Variants in POU2F1 observed in about 807,000 individuals in gnomAD.
POU2F1 encodes the protein POU domain, class 2, transcription factor 1.
POU2F1 carries 16 observed loss-of-function variants against 84.9 expected under a neutral mutation model. That is an observed-to-expected ratio of 0.19 (90% CI 0.13 to 0.29). POU2F1 has a LOEUF of 0.29. Ranked by LOEUF, POU2F1 falls within the 10% of genes least tolerant of loss-of-function variation. The pLI, the probability that POU2F1 is intolerant of heterozygous loss-of-function variation, is 1.00. For missense variants in POU2F1, 738 were observed against 942.6 expected, an observed-to-expected ratio of 0.78 and a Z score of 2.84; for synonymous variants, 368 against 368.3, an observed-to-expected ratio of 1.00 and a Z score of 0.01.
intron 10 of POU2F1, among the ~76,000 whole-genome samples, chr1:167,397,032 A>G (rs1447828909): frequency 2.0e-5 from 3 of 152,204 alleles, no homozygotes; most frequent in Non-Finnish European, 2.9e-5. Context: ...GAAAAGACAA[A>G]CCTGAAACAC....
chr1:167,236,925 T>A (rs997526269), intron 1 of POU2F1, among the ~76,000 whole-genome samples: 1 of 152,152 alleles, frequency 6.6e-6, no homozygotes, highest in Admixed American at 6.5e-5. Flanking sequence ...AATGGAAAGA[T>A]AATAGAGTTT....
intron 2 of POU2F1, among the ~76,000 whole-genome samples, chr1:167,336,680 G>C (rs1407801131): frequency 2.6e-5 from 4 of 152,132 alleles, no homozygotes; most frequent in African/African-American, 7.2e-5. Flanking sequence ...CTTCACTGCA[G>C]CTACACCAGC....
At chr1:167,347,271 A>G (rs1571342102) in intron 2 of POU2F1, among the ~76,000 whole-genome samples, 6 of 152,362 alleles carry the variant, frequency 3.9e-5, no homozygotes, top group African/African-American at 2.4e-5. Context: ...ATTAACATGT[A>G]GTATAGTACT....
intron 1 of POU2F1, among the ~76,000 whole-genome samples, chr1:167,292,431 T>A (rs1263228501): frequency 6.6e-6 from 1 of 151,398 alleles, no homozygotes; most frequent in Non-Finnish European, 1.5e-5. Context: ...TAGAAATTTC[T>A]GCCATCATTA....
chr1:167,272,424 TAGTC>T (rs981085476), intron 1 of POU2F1, among the ~76,000 whole-genome samples: 2 of 151,810 alleles, frequency 1.3e-5, no homozygotes, highest in African/African-American at 4.8e-5. Context: ...AGAACTGTAT[TAGTC>T]AGTTCTTGCA....
chr1:167,274,408 A>G (rs2102478259), intron 1 of POU2F1, among the ~76,000 whole-genome samples: 1 of 152,304 alleles, frequency 6.6e-6, no homozygotes, highest in South Asian at 2.1e-4. Flanking sequence ...CCTTTATCTA[A>G]TATCTTCCTT....
intron 1 of POU2F1, among the ~76,000 whole-genome samples, chr1:167,261,983 C>T (rs141739380): frequency 6.6e-6 from 1 of 152,248 alleles, no homozygotes; most frequent in African/African-American, 2.4e-5. Flanking sequence ...CTGTGCCCAG[C>T]CTTGATTATG....
At chr1:167,303,117 G>A (rs1323455335) in intron 1 of POU2F1, among the ~76,000 whole-genome samples, 1 of 151,794 alleles carries the variant, frequency 6.6e-6, no homozygotes, top group Non-Finnish European at 1.5e-5. Context: ...ATTAGGGGGA[G>A]GTTAATGTCA....
intron 1 of POU2F1, among the ~76,000 whole-genome samples, chr1:167,256,915 C>G (rs1014391676): frequency 5.3e-5 from 8 of 152,062 alleles, no homozygotes; most frequent in Admixed American, 5.2e-4. Context: ...GAGAGAGATA[C>G]TTATAAAGCA....
intron 11 of POU2F1, among the ~76,000 whole-genome samples, chr1:167,398,414 TGGG>T (rs1445052380): frequency 1.3e-5 from 2 of 151,446 alleles, no homozygotes; most frequent in Non-Finnish European, 2.9e-5. Flanking sequence ...CTAGAAAAGG[TGGG>T]GGGAAAGTAC....
At chr1:167,346,656 T>C (rs1043887936) in intron 2 of POU2F1, among the ~76,000 whole-genome samples, 7 of 152,182 alleles carry the variant, frequency 4.6e-5, no homozygotes, top group Admixed American at 1.3e-4. Flanking sequence ...GAGAATCTAG[T>C]GCCACTGCTG....
At chr1:167,251,704 A>G (rs1374017458) in intron 1 of POU2F1, among the ~76,000 whole-genome samples, 2 of 152,182 alleles carry the variant, frequency 1.3e-5, no homozygotes, top group East Asian at 3.9e-4. Flanking sequence ...TACATAGGCT[A>G]TGTTTAGGTT....
intron 1 of POU2F1, among the ~76,000 whole-genome samples, chr1:167,312,743 A>G (rs548461360): frequency 9.2e-5 from 14 of 152,312 alleles, no homozygotes; most frequent in African/African-American, 2.9e-4. Flanking sequence ...ACCCATAGCA[A>G]TTTTAGTCCT....
chr1:167,351,820 C>T (rs914524480), intron 2 of POU2F1, among the ~76,000 whole-genome samples: 2 of 152,104 alleles, frequency 1.3e-5, no homozygotes, highest in African/African-American at 4.8e-5. Flanking sequence ...CCTCTCCTCC[C>T]TCCCACCTCT....
At chr1:167,399,400 GC>G (rs758549482) in intron 12 of POU2F1, 35 bp downstream of exon 12, 1 of 1,539,572 alleles carries the variant, frequency 6.5e-7, no homozygotes, top group South Asian at 1.2e-5. Context: ...AAGCTCAAGG[GC>G]TAATTTTTGC....
intron 1 of POU2F1, among the ~76,000 whole-genome samples, chr1:167,285,521 A>T (rs1653465563): frequency 6.6e-6 from 1 of 151,398 alleles, no homozygotes; most frequent in African/African-American, 2.4e-5. Context: ...GAACCCCGGG[A>T]GGCAAAGCTT....
intron 1 of POU2F1, among the ~76,000 whole-genome samples, chr1:167,277,090 G>A (rs1360469529): frequency 2.0e-5 from 3 of 152,020 alleles, no homozygotes; most frequent in African/African-American, 7.2e-5. Context: ...GTTCTTATTT[G>A]ACCTCTCAGT....
intron 9 of POU2F1, among the ~76,000 whole-genome samples, chr1:167,390,027 G>A (rs1369240242): frequency 6.6e-6 from 1 of 152,184 alleles, no homozygotes; most frequent in Non-Finnish European, 1.5e-5. Flanking sequence ...TATATGGGAG[G>A]ATACACGTAT....
At chr1:167,295,545 A>T (rs1163680574) in intron 1 of POU2F1, among the ~76,000 whole-genome samples, 2 of 152,182 alleles carry the variant, frequency 1.3e-5, no homozygotes. Flanking sequence ...AGTGCCAGAT[A>T]AAAAAACTAC....
Sources: gnomAD v4.1 joint callset for allele counts (sites outside exome capture counted in the v4.1 genomes callset) on GRCh38, gnomAD v4.1.1 for gene constraint, MANE v1.5 for transcripts, NCBI Gene and HGNC (gene_info 2026-07-23, HGNC 2026-07-21) for gene names.